Variants in CCDC85A observed in about 807,000 individuals in gnomAD.
CCDC85A encodes coiled-coil domain-containing protein 85A.
In CCDC85A, 38 loss-of-function variants were observed where a neutral mutation model predicts 50.2. The observed-to-expected ratio is 0.76, with a 90% CI of 0.58 to 0.99. The LOEUF is 0.99. Ranked by LOEUF, CCDC85A falls within the 50% of genes least tolerant of loss-of-function variation. The pLI, the probability that CCDC85A is intolerant of heterozygous loss-of-function variation, is 0.00. For missense variants in CCDC85A, 820 were observed against 742.0 expected, an observed-to-expected ratio of 1.11 and a Z score of -1.22; for synonymous variants, 366 against 301.4, an observed-to-expected ratio of 1.21 and a Z score of -2.22.
chr2:56,317,895 C>G (rs1476659092), intron 2 of CCDC85A, among the ~76,000 whole-genome samples: 1 of 152,086 alleles, frequency 6.6e-6, no homozygotes, highest in Non-Finnish European at 1.5e-5. Flanking sequence ...TTCACTCTCT[C>G]CTTGACTAAC....
At chr2:56,290,388 A>G (rs1671648826) in intron 2 of CCDC85A, among the ~76,000 whole-genome samples, 2 of 152,098 alleles carry the variant, frequency 1.3e-5, no homozygotes, top group African/African-American at 4.8e-5. Flanking sequence ...GGGGTGGGAA[A>G]GAGAACAGGC....
chr2:56,365,988 A>G (rs1020744377), intron 3 of CCDC85A, among the ~76,000 whole-genome samples: 1 of 152,130 alleles, frequency 6.6e-6, no homozygotes, highest in Admixed American at 6.6e-5. Flanking sequence ...AAGATTTCAT[A>G]TATGAGTACG....
At chr2:56,290,889 T>C (rs1412946554) in intron 2 of CCDC85A, among the ~76,000 whole-genome samples, 1 of 152,176 alleles carries the variant, frequency 6.6e-6, no homozygotes, top group African/African-American at 2.4e-5. Context: ...TAAAACAAAG[T>C]CAGGTTTCCT....
intron 2 of CCDC85A, among the ~76,000 whole-genome samples, chr2:56,243,325 C>CT (rs1167375859): frequency 2.0e-5 from 3 of 151,574 alleles, no homozygotes; most frequent in African/African-American, 7.3e-5. Context: ...CATTTTTTTT[C>CT]TTTTTTTCTT....
At chr2:56,188,736 A>G (rs1216582004) in intron 1 of CCDC85A, among the ~76,000 whole-genome samples, 2 of 152,258 alleles carry the variant, frequency 1.3e-5, no homozygotes, top group Admixed American at 1.3e-4. Flanking sequence ...TGACATAGCT[A>G]GTGCTTGCTG....
intron 2 of CCDC85A, among the ~76,000 whole-genome samples, chr2:56,223,743 T>G (rs1162406988): frequency 6.6e-6 from 1 of 152,134 alleles, no homozygotes; most frequent in Non-Finnish European, 1.5e-5. Flanking sequence ...TCTATATTAT[T>G]CTGACCATCA....
At chr2:56,329,032 A>G (rs535173268) in intron 2 of CCDC85A, among the ~76,000 whole-genome samples, 254 of 152,230 alleles carry the variant, frequency 1.7e-3, no homozygotes, top group Middle Eastern at 0.014. Flanking sequence ...CAAGCTTCTT[A>G]TGTTAGTTTA....
At chr2:56,202,639 CTAAT>C in intron 2 of CCDC85A, among the ~76,000 whole-genome samples, 1 of 152,202 alleles carries the variant, frequency 6.6e-6, no homozygotes, top group Non-Finnish European at 1.5e-5. Context: ...GCAAACAAAA[CTAAT>C]TAAGCCAGTT....
chr2:56,331,154 C>G (rs1188510762), intron 2 of CCDC85A, among the ~76,000 whole-genome samples: 1 of 151,986 alleles, frequency 6.6e-6, no homozygotes, highest in Non-Finnish European at 1.5e-5. Flanking sequence ...CATGTTCCCA[C>G]TTAGAAGTGG....
intron 2 of CCDC85A, among the ~76,000 whole-genome samples, chr2:56,268,877 C>CT (rs1162493315): frequency 1.3e-5 from 2 of 151,976 alleles, no homozygotes; most frequent in African/African-American, 2.4e-5. Flanking sequence ...ACAATTTGAG[C>CT]TTTTTTTGTT....
chr2:56,304,625 A>G (rs1282325223), intron 2 of CCDC85A, among the ~76,000 whole-genome samples: 1 of 152,220 alleles, frequency 6.6e-6, no homozygotes, highest in Non-Finnish European at 1.5e-5. Flanking sequence ...AAATGTACAA[A>G]AAATAGGGTT....
chr2:56,266,585 C>A (rs576955359), intron 2 of CCDC85A, among the ~76,000 whole-genome samples: 2 of 133,660 alleles, frequency 1.5e-5, no homozygotes, highest in South Asian at 2.9e-4. Flanking sequence ...CGCGCCCCCC[C>A]CCCCCATAAT....
intron 2 of CCDC85A, among the ~76,000 whole-genome samples, chr2:56,240,230 A>G (rs1669194878): frequency 6.6e-6 from 1 of 152,156 alleles, no homozygotes; most frequent in African/African-American, 2.4e-5. Context: ...TCGTTTGCAT[A>G]GGGTATAACT....
At position 56,201,275 on chromosome 2, in the gene CCDC85A, A is replaced by G. The variant is rs182822858; in HGVS notation, c.1240+7835A>G. 2.8e-4 allele frequency among the ~76,000 whole-genome samples: 42 copies of G among 152,294 alleles called. No homozygotes were observed. The East Asian group carries it at 7.9e-3, about 29-fold the overall frequency. ...AAGTAAGTCCTTTAAAAATTTTAAA[A>G]CCTGGCAAACAAAATATTTTTAGCA... is the stretch of plus-strand genomic sequence containing the variant. On this transcript the variant is annotated intron_variant, in intron 2 of 5. Transcript: ENST00000407595.
chr2:56,339,115 G>A (rs1674228604), intron 2 of CCDC85A, among the ~76,000 whole-genome samples: 1 of 152,166 alleles, frequency 6.6e-6, no homozygotes, highest in African/African-American at 2.4e-5. Flanking sequence ...ATTAAGGTTT[G>A]CAATAACTGG....
intron 3 of CCDC85A, among the ~76,000 whole-genome samples, chr2:56,362,353 G>T (rs117191794): frequency 6.6e-6 from 1 of 152,114 alleles, no homozygotes; most frequent in Non-Finnish European, 1.5e-5. Flanking sequence ...ATGTCACATA[G>T]TGTTGGATGT....
chr2:56,281,386 A>T (rs1025071943), intron 2 of CCDC85A, among the ~76,000 whole-genome samples: 1 of 152,172 alleles, frequency 6.6e-6, no homozygotes, highest in African/African-American at 2.4e-5. Flanking sequence ...AAAGTCATGG[A>T]CATACAAGTC....
chr2:56,324,661 C>G (rs2104273265), intron 2 of CCDC85A, among the ~76,000 whole-genome samples: 1 of 152,184 alleles, frequency 6.6e-6, no homozygotes, highest in East Asian at 1.9e-4. Flanking sequence ...GTTATTTGCA[C>G]TTCTACATTA....
intron 2 of CCDC85A, among the ~76,000 whole-genome samples, chr2:56,249,288 G>A (rs1669645656): frequency 6.6e-6 from 1 of 152,222 alleles, no homozygotes; most frequent in South Asian, 2.1e-4. Flanking sequence ...ACCACAGACT[G>A]CATTTGGGAA....
Sources: allele counts gnomAD v4.1 joint callset (sites outside exome capture counted in the v4.1 genomes callset), GRCh38; gene constraint gnomAD v4.1.1; transcripts MANE v1.5; gene names NCBI Gene and HGNC (gene_info 2026-07-23, HGNC 2026-07-21).